The following LYST variants were observed in gnomAD, a reference collection of about 807,000 sequenced individuals.
The protein encoded by LYST is lysosomal-trafficking regulator.
Under a neutral mutation model 413.6 loss-of-function variants are expected in LYST, and 192 were observed. The observed-to-expected ratio is 0.46, with a 90% CI of 0.41 to 0.52. The LOEUF is 0.52. Among genes scored for constraint, LYST ranks in the 20% least tolerant of loss-of-function variants. The probability of loss-of-function intolerance (pLI) is 0.00; values close to 1 mark genes in which losing one functional copy is unlikely to be tolerated. For missense variants in LYST, 3,815 were observed against 4,499.9 expected, an observed-to-expected ratio of 0.85 and a Z score of 4.35; for synonymous variants, 1,525 against 1,567.3, an observed-to-expected ratio of 0.97 and a Z score of 0.64.
intron 28 of LYST, chr1:235,747,371 A>C (rs184152715): frequency 3.8e-4 from 127 of 333,074 alleles, no homozygotes; most frequent in Non-Finnish European, 7.3e-4. Flanking sequence ...AATTTCTATA[A>C]ATAACCTCTA....
chr1:235,772,089 G>T (rs1425767395), intron 19 of LYST, among the ~76,000 whole-genome samples: 1 of 151,878 alleles, frequency 6.6e-6, no homozygotes, highest in Non-Finnish European at 1.5e-5. Context: ...TCCAAGCATG[G>T]TGGTGCACAC....
At chr1:235,846,495 C>T (rs1558335292) in intron 1 of LYST, among the ~76,000 whole-genome samples, 2 of 152,096 alleles carry the variant, frequency 1.3e-5, no homozygotes, top group East Asian at 3.9e-4. Context: ...TTCTCTAGTT[C>T]ACCAGCAATA....
chr1:235,818,680 T>C lies in LYST; in HGVS notation c.193-5619A>G, dbSNP rs372008303. On this transcript the variant is annotated intron_variant, in intron 3 of 52. Transcript: ENST00000389793. Reference sequence around the variant, plus strand: ...ACCAATTTTTGGCATATCTTTCCGGTAGAGTCCTCCTAATCTGAGTCTTTA... The same window carrying C: ...ACCAATTTTTGGCATATCTTTCCGGCAGAGTCCTCCTAATCTGAGTCTTTA... 4.6e-5 allele frequency among the ~76,000 whole-genome samples: 7 copies of C among 152,084 alleles called. No individual in the cohort carries two copies. In the South Asian group the frequency reaches 1.2e-3, roughly 27 times the overall value.
At chr1:235,830,863 A>G (rs1293689148) in intron 2 of LYST, among the ~76,000 whole-genome samples, 1 of 152,210 alleles carries the variant, frequency 6.6e-6, no homozygotes, top group East Asian at 1.9e-4. Context: ...CCCAAACACC[A>G]AAGTTCAGTT....
chr1:235,787,069 A>T (rs1670500951), intron 14 of LYST, 131 bp downstream of exon 14: 2 of 699,972 alleles, frequency 2.9e-6, no homozygotes, highest in Admixed American at 2.8e-5. Context: ...AAGAAACAAC[A>T]AAAAATATAG....
At chr1:235,786,788 C>T (rs565036778) in intron 14 of LYST, among the ~76,000 whole-genome samples, 6 of 151,428 alleles carry the variant, frequency 4.0e-5, no homozygotes, top group South Asian at 2.1e-4. Flanking sequence ...TCTCAGCAAA[C>T]GATCGCAAGG....
At chr1:235,828,719 A>AT (rs1024122368) in intron 3 of LYST, 10 of 897,760 alleles carry the variant, frequency 1.1e-5, no homozygotes, top group East Asian at 1.2e-4. Context: ...AAAGCATTGA[A>AT]TTTTTTTATT....
intron 1 of LYST, among the ~76,000 whole-genome samples, chr1:235,847,545 A>G (rs1048631722): frequency 6.6e-6 from 1 of 152,198 alleles, no homozygotes; most frequent in African/African-American, 2.4e-5. Context: ...ACCATACCGC[A>G]CATTTCAATG....
At position 235,661,249 on chromosome 1, in the gene LYST, A is replaced by G. The variant is rs1658027427; in HGVS notation, c.*1691T>C. The stretch of plus-strand genomic sequence containing the variant: ...ATAATATTGCACTCTTAACAAGACC[A>G]GTTATTCTGCATATTTTCTCTTTAG... On this transcript the variant is annotated 3_prime_UTR_variant, in exon 53 of 53. Transcript: ENST00000389793. The G allele has an allele frequency of 6.6e-6, 1 of 152,630 alleles. No homozygotes were observed. Among genetic ancestry groups the G allele is most frequent in the Non-Finnish European group, 1.5e-5 (1 of 68,044 alleles). The allele number at this position is 152,630 out of a possible 1,614,324, so 9.5% of individuals were successfully genotyped here.
chr1:235,862,702 A>G (rs957809152), intron 1 of LYST, among the ~76,000 whole-genome samples: 19 of 152,010 alleles, frequency 1.2e-4, no homozygotes, highest in African/African-American at 4.6e-4. Flanking sequence ...AGGCTGAGGC[A>G]GGAGAATCGC....
In LYST at chr1:235,806,223, G is replaced by A; in HGVS notation, c.2913C>T (p.Tyr971=). ...GTTTCTGGAACACTGAACTCAACAT[G>A]TAGATCCAACGACACATAGACCAAA... The part of the protein sequence containing the change: ...ADIWSMCRWI[Y]MLSSVFQKQF... Residue 971 remains tyrosine, a synonymous_variant, in exon 6 of 53, where the codon TAC becomes TAT. Coordinates refer to ENST00000389793, the MANE Select transcript of LYST (RefSeq NM_000081.4). 6.2e-7 allele frequency: 1 copy of A among 1,613,914 alleles called. No individual in the cohort carries two copies. Among genetic ancestry groups the A allele is most frequent in the Non-Finnish European group, 8.5e-7 (1 of 1,179,972 alleles).
At chr1:235,755,792 C>T (rs964128193) in intron 24 of LYST, 145 bp from the exon 25 acceptor site, 3 of 568,322 alleles carry the variant, frequency 5.3e-6, no homozygotes, top group Non-Finnish European at 9.2e-6. Flanking sequence ...ACCACCACAG[C>T]AAAGCAGAAA....
At chr1:235,753,416 T>A in intron 25 of LYST, 142 bp from the exon 26 acceptor site, 1 of 619,860 alleles carries the variant, frequency 1.6e-6, no homozygotes. Flanking sequence ...AACCTGTTTT[T>A]AAAATGACAG....
intron 20 of LYST, among the ~76,000 whole-genome samples, chr1:235,768,219 T>C (rs996812961): frequency 2.6e-5 from 4 of 152,084 alleles, no homozygotes; most frequent in Admixed American, 2.6e-4. Flanking sequence ...TATGAAATTA[T>C]TGTTTTTCTG....
chr1:235,802,799 T>C, intron 8 of LYST, 109 bp downstream of exon 8: 1 of 981,498 alleles, frequency 1.0e-6, no homozygotes, highest in East Asian at 2.5e-5. Flanking sequence ...AACACACTTG[T>C]TAAACTGTAA....
At chr1:235,787,493 T>A (rs1670547096) in intron 13 of LYST, 120 bp from the exon 14 acceptor site, 2 of 868,788 alleles carry the variant, frequency 2.3e-6, no homozygotes, top group Non-Finnish European at 3.7e-6. Context: ...CTATTTTTTT[T>A]AAAGTGCTTG....
chr1:235,805,741 A>G lies in LYST; in HGVS notation c.3393+2T>C. 1 of 1,609,034 alleles carries G rather than the reference A, an allele frequency of 6.2e-7. No homozygotes were observed. The highest frequency in any genetic ancestry group is 8.5e-7 in the Non-Finnish European group (1 of 1,175,954). On this transcript the variant is annotated splice_donor_variant, in intron 6 of 52. Transcript: ENST00000389793. LOFTEE classifies it high-confidence loss of function. ...AGAGTTGGACTAAGGACAAGGTATT[A>G]CCTGATTAGGTAACTCCAATTCCAT...
chr1:235,739,238 T>C (rs1281942999), intron 31 of LYST, among the ~76,000 whole-genome samples: 2 of 152,228 alleles, frequency 1.3e-5, no homozygotes, highest in African/African-American at 2.4e-5. Context: ...GGTACTAATC[T>C]TGTGTAGTCC....
chr1:235,797,529 C>G (rs1671681774), intron 10 of LYST, among the ~76,000 whole-genome samples: 1 of 152,100 alleles, frequency 6.6e-6, no homozygotes. Flanking sequence ...GAGGGACAGT[C>G]TCTTCAACAA....
Sources: allele counts gnomAD v4.1 joint callset (sites outside exome capture counted in the v4.1 genomes callset), GRCh38; gene constraint gnomAD v4.1.1; transcripts MANE v1.5; gene names NCBI Gene and HGNC (gene_info 2026-07-23, HGNC 2026-07-21).